Variants in NRG2 observed in about 807,000 individuals in gnomAD.
NRG2 encodes pro-neuregulin-2, membrane-bound isoform.
Under a neutral mutation model 73.9 loss-of-function variants are expected in NRG2, and 27 were observed. That is an observed-to-expected ratio of 0.37 (90% CI 0.27 to 0.50). The LOEUF is 0.50. Ranked by LOEUF, NRG2 falls within the 20% of genes least tolerant of loss-of-function variation. The probability of loss-of-function intolerance (pLI) is 0.96; values close to 1 mark genes in which losing one functional copy is unlikely to be tolerated. For synonymous variants in NRG2, 532 were observed against 541.0 expected, an observed-to-expected ratio of 0.98 and a Z score of 0.23; for missense variants, 1,126 against 1,210.1, an observed-to-expected ratio of 0.93 and a Z score of 1.03.
intron 1 of NRG2, among the ~76,000 whole-genome samples, chr5:139,985,868 C>T (rs1757136194): frequency 6.6e-6 from 1 of 152,068 alleles, no homozygotes. Context: ...ACACTCCCCC[C>T]AACTCCCAAT....
At chr5:139,880,622 G>C (rs1385331479) in intron 3 of NRG2, among the ~76,000 whole-genome samples, 2 of 151,520 alleles carry the variant, frequency 1.3e-5, no homozygotes, top group African/African-American at 4.9e-5. Flanking sequence ...TTAGTTTTCA[G>C]GGTATTTAAA....
intron 1 of NRG2, among the ~76,000 whole-genome samples, chr5:139,930,841 C>T (rs76827128): frequency 0.029 from 4,455 of 152,322 alleles, 84 homozygotes; most frequent in Middle Eastern, 0.078. Flanking sequence ...AGTAACAAGA[C>T]GCTGTGCAGG....
rs1326854713 is a variant in NRG2, at chr5:139,887,256, T to A, written c.872+84A>T. On this transcript the variant is annotated intron_variant, in intron 2 of 9. Coordinates refer to ENST00000361474, the MANE Select transcript of NRG2 (RefSeq NM_004883.3). This position sits in a 1 kb window ranked among gnomAD's most constrained non-coding sequence, Gnocchi z 4.5. The stretch of plus-strand genomic sequence containing the variant: ...ATGGGTGAGTCTGGGGGCACAGCCC[T>A]GGCCTCTGCCCAGTTCAGGCCACTC... The A allele has an allele frequency of 1.3e-6, 2 of 1,496,394 alleles. No individual in the cohort carries two copies. The highest frequency in any genetic ancestry group is 1.8e-6 in the Non-Finnish European group (2 of 1,087,442). The allele number at this position is 1,496,394 out of a possible 1,614,324, so 92.7% of individuals were successfully genotyped here.
chr5:139,906,078 A>G (rs1765205193), intron 1 of NRG2, among the ~76,000 whole-genome samples: 1 of 151,514 alleles, frequency 6.6e-6, no homozygotes, highest in Non-Finnish European at 1.5e-5. Context: ...CGCCATCTTG[A>G]CTCACTGCAA....
chr5:140,007,054 G>T (rs750644793), intron 1 of NRG2, among the ~76,000 whole-genome samples: 37 of 152,090 alleles, frequency 2.4e-4, no homozygotes, highest in South Asian at 8.3e-4. Flanking sequence ...CATGTTTAGA[G>T]ACATTTTTGT....
At chr5:139,866,099 A>G (rs1042249128) in intron 4 of NRG2, among the ~76,000 whole-genome samples, 8 of 152,198 alleles carry the variant, frequency 5.3e-5, no homozygotes, top group African/African-American at 1.9e-4. Flanking sequence ...TTCTCATCCA[A>G]GAAACAGCCC....
chr5:139,939,960 C>A (rs72796714), intron 1 of NRG2, among the ~76,000 whole-genome samples: 2 of 152,128 alleles, frequency 1.3e-5, no homozygotes, highest in Admixed American at 6.5e-5. Flanking sequence ...AACATTAGAA[C>A]AAATGATAAA....
intron 1 of NRG2, among the ~76,000 whole-genome samples, chr5:139,966,073 C>T (rs930322622): frequency 2.0e-5 from 3 of 152,110 alleles, no homozygotes; most frequent in Non-Finnish European, 4.4e-5. Flanking sequence ...ACTATGGTAT[C>T]CCCAGTGTCA....
chr5:139,970,451 C>A (rs766414829), intron 1 of NRG2, among the ~76,000 whole-genome samples: 2 of 151,592 alleles, frequency 1.3e-5, no homozygotes, highest in East Asian at 3.9e-4. Flanking sequence ...ACTGGAGGGG[C>A]CCTCAAGAGT....
chr5:140,011,839 T>G (rs1433770422), intron 1 of NRG2, among the ~76,000 whole-genome samples: 1 of 152,208 alleles, frequency 6.6e-6, no homozygotes, highest in Non-Finnish European at 1.5e-5. Flanking sequence ...TTTGGGGTAA[T>G]TTGTTGTGCA....
In NRG2 at chr5:139,851,112, A is replaced by C. The variant is rs1761386752; in HGVS notation, c.1772+492T>G. 6.6e-6 allele frequency among the ~76,000 whole-genome samples: 1 copy of C among 151,722 alleles called. No individual in the cohort carries two copies. Among genetic ancestry groups the C allele is most frequent in the Admixed American group, 6.6e-5 (1 of 15,234 alleles). ...AGGGATGCTCTTGCCTCAGCCTCCC[A>C]AGTAGCTGTGATTACAGGCATGTGC... On this transcript the variant is annotated intron_variant, in intron 9 of 9. Coordinates refer to ENST00000361474, the MANE Select transcript of NRG2 (RefSeq NM_004883.3). This position sits in a 1 kb window ranked among gnomAD's most constrained non-coding sequence, Gnocchi z 4.2.
intron 1 of NRG2, among the ~76,000 whole-genome samples, chr5:139,987,697 T>G (rs1176299894): frequency 2.0e-5 from 3 of 152,060 alleles, no homozygotes; most frequent in Non-Finnish European, 2.9e-5. Context: ...TTCAGGAAGC[T>G]AACTTGGTAA....
At chr5:139,882,099 A>G (rs1251286334) in intron 2 of NRG2, among the ~76,000 whole-genome samples, 1 of 152,210 alleles carries the variant, frequency 6.6e-6, no homozygotes, top group Non-Finnish European at 1.5e-5. Flanking sequence ...TGAATTAAAA[A>G]GCCAGATTTC....
At chr5:139,976,391 G>C (rs892265060) in intron 1 of NRG2, among the ~76,000 whole-genome samples, 1 of 152,218 alleles carries the variant, frequency 6.6e-6, no homozygotes, top group Non-Finnish European at 1.5e-5. Context: ...CTCAAATGCA[G>C]AGCCAACAGT....
At chr5:140,032,414 G>A (rs192749980) in intron 1 of NRG2, among the ~76,000 whole-genome samples, 314 of 151,768 alleles carry the variant, frequency 2.1e-3, no homozygotes, top group Admixed American at 3.3e-3. Flanking sequence ...GGACTATTGA[G>A]AGAAAAAAAA....
At chr5:139,949,362 C>T (rs1754025476) in intron 1 of NRG2, among the ~76,000 whole-genome samples, 1 of 152,180 alleles carries the variant, frequency 6.6e-6, no homozygotes, top group Non-Finnish European at 1.5e-5. Flanking sequence ...AAATCCTGCT[C>T]TTAGGAAAAG....
chr5:139,877,859 G>A (rs572131221), intron 3 of NRG2, among the ~76,000 whole-genome samples: 5 of 152,316 alleles, frequency 3.3e-5, no homozygotes, highest in African/African-American at 1.2e-4. Flanking sequence ...AAGCTTGGAC[G>A]AGACCAAATC....
chr5:140,040,275 T>C (rs1364927484), intron 1 of NRG2, among the ~76,000 whole-genome samples: 1 of 152,176 alleles, frequency 6.6e-6, no homozygotes, highest in Non-Finnish European at 1.5e-5. Context: ...TGATAATTTG[T>C]GATATGTGAG....
At chr5:139,944,610 T>G (rs1160235037) in intron 1 of NRG2, among the ~76,000 whole-genome samples, 1 of 152,220 alleles carries the variant, frequency 6.6e-6, no homozygotes, top group African/African-American at 2.4e-5. Context: ...TATGGCTGAA[T>G]AGTATTCCAT....
Sources: gnomAD v4.1 joint callset for allele counts (sites outside exome capture counted in the v4.1 genomes callset) on GRCh38, gnomAD v4.1.1 for gene constraint, Gnocchi (gnomAD v3.1) non-coding constraint, MANE v1.5 for transcripts, NCBI Gene and HGNC (gene_info 2026-07-23, HGNC 2026-07-21) for gene names.